The following KIRREL3 variants were observed in gnomAD, a reference collection of about 807,000 sequenced individuals.
KIRREL3 encodes kirre like nephrin family adhesion molecule 3.
KIRREL3 carries 36 observed loss-of-function variants against 89.7 expected under a neutral mutation model. The ratio of observed to expected loss-of-function variants is 0.40; its 90% confidence interval spans 0.31 to 0.53. The LOEUF (loss-of-function observed/expected upper bound fraction) is 0.53. KIRREL3 is among the 20% of genes least tolerant of loss of function. The probability of loss-of-function intolerance (pLI) is 0.49; values close to 1 mark genes in which losing one functional copy is unlikely to be tolerated. For synonymous variants in KIRREL3, 445 were observed against 441.4 expected (o/e 1.01, Z -0.10); for missense variants, 864 against 1,056.6 (o/e 0.82, Z 2.53).
Position 126,763,875 on chromosome 11 carries a change from C to T in KIRREL3, c.56-200963G>A, listed in dbSNP as rs1047357305. ...AACAGCAGTCTGTCTCATTAAGTAT[C>T]CTACTTAGTTTTCAGTTGACATTCC... On this transcript the variant is annotated intron_variant, in intron 1 of 16. Transcript: ENST00000525144. The surrounding 1 kb of genome is among the most constrained non-coding windows in gnomAD (Gnocchi z 4.7). Among the ~76,000 whole-genome samples, 1 of 152,152 alleles carries T rather than the reference C, an allele frequency of 6.6e-6. No homozygotes were observed. Among genetic ancestry groups the T allele is most frequent in the Non-Finnish European group, 1.5e-5 (1 of 68,028 alleles).
intron 9 of KIRREL3, among the ~76,000 whole-genome samples, chr11:126,445,672 C>G (rs1237254552): frequency 6.6e-6 from 1 of 152,200 alleles, no homozygotes; most frequent in Non-Finnish European, 1.5e-5. Context: ...CTTATCTTCT[C>G]AGACGCTCCC....
rs1945875873 is a variant in KIRREL3 at position 126,890,582 on chromosome 11, G to C, written c.55+109873C>G. Among the ~76,000 whole-genome samples the C allele has an allele frequency of 6.6e-6, 1 of 152,254 alleles. No homozygotes were observed. Among genetic ancestry groups the C allele is most frequent in the Admixed American group, 6.5e-5 (1 of 15,284 alleles). On this transcript the variant is annotated intron_variant, in intron 1 of 16. Coordinates refer to ENST00000525144, the MANE Select transcript of KIRREL3 (RefSeq NM_032531.4). This position sits in a 1 kb window ranked among gnomAD's most constrained non-coding sequence, Gnocchi z 5.1. ...CCTGGCTGTGGACAGAAGGCACCTGGAGGGGTGCTGTGGGAGTCCCGTGGC... is the reference window on the plus strand; with the variant it reads ...CCTGGCTGTGGACAGAAGGCACCTGCAGGGGTGCTGTGGGAGTCCCGTGGC...
At chr11:126,851,314 A>T (rs187418352) in intron 1 of KIRREL3, among the ~76,000 whole-genome samples, 3 of 152,200 alleles carry the variant, frequency 2.0e-5, no homozygotes, top group Admixed American at 2.0e-4. Context: ...TCAGAGCATC[A>T]CTTGTACACT....
intron 1 of KIRREL3, among the ~76,000 whole-genome samples, chr11:126,741,022 C>T (rs1948964431): frequency 6.6e-6 from 1 of 152,280 alleles, no homozygotes; most frequent in South Asian, 2.1e-4. Context: ...GAGCTCATTC[C>T]TGCAGACCCG....
At chr11:126,827,705 T>C (rs1279199041) in intron 1 of KIRREL3, among the ~76,000 whole-genome samples, 1 of 152,106 alleles carries the variant, frequency 6.6e-6, no homozygotes, top group Non-Finnish European at 1.5e-5. Flanking sequence ...TAACAATCAT[T>C]TGGGTATGTA....
At chr11:126,545,128 T>C (rs372905993) in intron 2 of KIRREL3, among the ~76,000 whole-genome samples, 2 of 152,200 alleles carry the variant, frequency 1.3e-5, no homozygotes, top group African/African-American at 4.8e-5. Context: ...TGAAACTTAA[T>C]GGCATTGGAA....
intron 1 of KIRREL3, among the ~76,000 whole-genome samples, chr11:126,866,249 A>C (rs1314238648): frequency 6.6e-6 from 1 of 152,208 alleles, no homozygotes; most frequent in African/African-American, 2.4e-5. Context: ...AGAGGATAGG[A>C]AAGTGGTTGA....
intron 1 of KIRREL3, among the ~76,000 whole-genome samples, chr11:126,801,851 C>T (rs10790832): frequency 0.23 from 34,301 of 151,974 alleles, 4,509 homozygotes; most frequent in East Asian, 0.46. Context: ...AGGAGGATCG[C>T]GTGATCCCAG....
At chr11:126,478,517 A>ATG (rs552135249) in intron 4 of KIRREL3, among the ~76,000 whole-genome samples, 4,004 of 151,504 alleles carry the variant, frequency 0.026, 165 homozygotes, top group African/African-American at 0.087. Flanking sequence ...GTGTGTGTGT[A>ATG]TGTGTGTGTG....
intron 1 of KIRREL3, among the ~76,000 whole-genome samples, chr11:126,590,367 C>G (rs966917229): frequency 6.6e-6 from 1 of 152,200 alleles, no homozygotes; most frequent in African/African-American, 2.4e-5. Context: ...CTCCCAGAGT[C>G]GACTCCTATG....
chr11:126,736,003 T>A lies in KIRREL3; in HGVS notation c.56-173091A>T, dbSNP rs1257551338. Among the ~76,000 whole-genome samples, 1 of 152,212 alleles carries A rather than the reference T, an allele frequency of 6.6e-6. No homozygotes were observed. Among genetic ancestry groups the A allele is most frequent in the East Asian group, 1.9e-4 (1 of 5,184 alleles). On this transcript the variant is annotated intron_variant, in intron 1 of 16. Coordinates refer to ENST00000525144, the MANE Select transcript of KIRREL3 (RefSeq NM_032531.4). This position sits in a 1 kb window ranked among gnomAD's most constrained non-coding sequence, Gnocchi z 5.0. Reference sequence around the variant, plus strand: ...CTCCAGTTATTACTGCATTTATGAATCCTCAATTAGTCCTGACTTTGCTTG... The same window carrying A: ...CTCCAGTTATTACTGCATTTATGAAACCTCAATTAGTCCTGACTTTGCTTG...
In KIRREL3 at chr11:126,923,243, CT is replaced by C. The variant is rs747556225; in HGVS notation, c.55+77211del. ...TCTTCTTCTTCTTCTTCTTCTTCTT[CT>C]TCTTCTTCTTCTTCTTCTTCTTCTC... On this transcript the variant is annotated intron_variant, in intron 1 of 16. Coordinates refer to ENST00000525144, the MANE Select transcript of KIRREL3 (RefSeq NM_032531.4). 7.1e-3 allele frequency among the ~76,000 whole-genome samples: 418 copies of C among 58,570 alleles called. 86 individuals carry two copies. The highest frequency in any genetic ancestry group is 0.013 in the South Asian group (15 of 1,158). The allele number at this position is 58,570 out of a possible 152,430, so 38.4% of individuals were successfully genotyped here.
At chr11:126,504,020 A>G (rs1309663359) in intron 4 of KIRREL3, among the ~76,000 whole-genome samples, 1 of 152,194 alleles carries the variant, frequency 6.6e-6, no homozygotes, top group Non-Finnish European at 1.5e-5. Context: ...GGATTATCTT[A>G]AATTTTAAAC....
At position 126,526,907 on chromosome 11, in the gene KIRREL3, C is replaced by T. The variant is rs933012193; in HGVS notation, c.134-220G>A. 6.6e-6 allele frequency among the ~76,000 whole-genome samples: 1 copy of T among 152,182 alleles called. No individual in the cohort carries two copies. The highest frequency in any genetic ancestry group is 2.4e-5 in the African/African-American group (1 of 41,442). On this transcript the variant is annotated intron_variant, in intron 2 of 16. Transcript: ENST00000525144. This position sits in a 1 kb window ranked among gnomAD's most constrained non-coding sequence, Gnocchi z 5.7. ...GGCTCCCAGCTCCAGCCCCTCTGCCCATCAGTCCCTAACACATGGACTGGT... is the reference window on the plus strand; with the variant it reads ...GGCTCCCAGCTCCAGCCCCTCTGCCTATCAGTCCCTAACACATGGACTGGT...
In KIRREL3 at chr11:126,568,764, C is replaced by T. The variant is rs184355166; in HGVS notation, c.56-5852G>A. ...ATGAGCCAACACATGGGCAAAAGTG[C>T]CCAGAATGAAGTACCTAATAAGGGT... On this transcript the variant is annotated intron_variant, in intron 1 of 16. Coordinates refer to ENST00000525144, the MANE Select transcript of KIRREL3 (RefSeq NM_032531.4). This position sits in a 1 kb window ranked among gnomAD's most constrained non-coding sequence, Gnocchi z 4.6. Among the ~76,000 whole-genome samples the T allele has an allele frequency of 5.0e-4, 76 of 152,214 alleles. No homozygotes were observed. Among genetic ancestry groups the T allele is most frequent in the East Asian group, 4.2e-3 (22 of 5,180 alleles).
Position 126,576,207 on chromosome 11 carries a change from C to T in KIRREL3, c.56-13295G>A, listed in dbSNP as rs978315943. Among the ~76,000 whole-genome samples the T allele has an allele frequency of 2.6e-4, 39 of 152,326 alleles. No homozygotes were observed. Among genetic ancestry groups the T allele is most frequent in the African/African-American group, 9.1e-4 (38 of 41,566 alleles). On this transcript the variant is annotated intron_variant, in intron 1 of 16. Transcript: ENST00000525144. The surrounding 1 kb of genome is among the most constrained non-coding windows in gnomAD (Gnocchi z 5.4). ...CAAGATGAGGGCTGAGGTCTGAGAT[C>T]TCTGCTGGTTTGAGAATGGGACTTC... is the stretch of plus-strand genomic sequence containing the variant.
chr11:126,901,939 G>C (rs978104622), intron 1 of KIRREL3, among the ~76,000 whole-genome samples: 2 of 152,176 alleles, frequency 1.3e-5, no homozygotes, highest in African/African-American at 4.8e-5. Context: ...TTGCCAGGTG[G>C]CTTCGGGCAC....
rs1425553504 is a variant in KIRREL3 at position 126,876,442 on chromosome 11, G to A, written c.55+124013C>T. On this transcript the variant is annotated intron_variant, in intron 1 of 16. Coordinates refer to ENST00000525144, the MANE Select transcript of KIRREL3 (RefSeq NM_032531.4). This position sits in a 1 kb window ranked among gnomAD's most constrained non-coding sequence, Gnocchi z 4.1. ...CACCCAGGGAGAAAGAAGCCACATA[G>A]CTGGCAAGTGGGGACACACTGTGCT... is the stretch of plus-strand genomic sequence containing the variant. Among the ~76,000 whole-genome samples the A allele has an allele frequency of 1.3e-5, 2 of 152,176 alleles. No individual in the cohort carries two copies. Among genetic ancestry groups the A allele is most frequent in the Non-Finnish European group, 2.9e-5 (2 of 68,034 alleles).
rs916498873 is a variant in KIRREL3, at chr11:126,896,611, G to T, written c.55+103844C>A. On this transcript the variant is annotated intron_variant, in intron 1 of 16. Transcript: ENST00000525144. The surrounding 1 kb of genome is among the most constrained non-coding windows in gnomAD (Gnocchi z 4.1). The stretch of plus-strand genomic sequence containing the variant: ...TGTAGAGAACGTGGGGCCTGTCCAT[G>T]GGCTTCAGTGCCCACCATGCAGTGC... Among the ~76,000 whole-genome samples, 7 of 145,682 alleles carry T rather than the reference G, an allele frequency of 4.8e-5. No homozygotes were observed. The highest frequency in any genetic ancestry group is 3.4e-4 in the Admixed American group (5 of 14,796).
Sources: allele counts gnomAD v4.1 joint callset (sites outside exome capture counted in the v4.1 genomes callset), GRCh38; gene constraint gnomAD v4.1.1; non-coding constraint Gnocchi (gnomAD v3.1); transcripts MANE v1.5; gene names NCBI Gene and HGNC (gene_info 2026-07-23, HGNC 2026-07-21).